Variants in CREB5 observed in about 807,000 individuals in gnomAD.
CREB5 encodes cAMP responsive element binding protein 5, also known as cyclic AMP-responsive element-binding protein 5.
CREB5 carries 19 observed loss-of-function variants against 57.1 expected under a neutral mutation model. The observed-to-expected ratio is 0.33, with a 90% CI of 0.23 to 0.49. CREB5 has a LOEUF of 0.49. CREB5 is among the 20% of genes least tolerant of loss of function. The pLI is 0.99. For missense variants in CREB5, 579 were observed against 671.6 expected (o/e 0.86, Z 1.52); for synonymous variants, 238 against 238.3 (o/e 1.00, Z 0.01).
chr7:28,763,804 A>ATT (rs1198951308), intron 7 of CREB5, among the ~76,000 whole-genome samples: 1 of 99,472 alleles, frequency 1.0e-5, no homozygotes, highest in African/African-American at 3.2e-5. Context: ...TATTATTATT[A>ATT]TTATTATTTT....
At chr7:28,547,635 G>C (rs1485126486) in intron 4 of CREB5, among the ~76,000 whole-genome samples, 1 of 152,156 alleles carries the variant, frequency 6.6e-6, no homozygotes, top group Non-Finnish European at 1.5e-5. Context: ...GTCTTGACTT[G>C]TGCTTGGCCA....
At chr7:28,736,147 G>A (rs1803966402) in intron 7 of CREB5, among the ~76,000 whole-genome samples, 1 of 151,980 alleles carries the variant, frequency 6.6e-6, no homozygotes, top group African/African-American at 2.4e-5. Flanking sequence ...TACACACAAA[G>A]CACTATATGG....
At chr7:28,335,084 G>C (rs1785797230) in intron 1 of CREB5, among the ~76,000 whole-genome samples, 1 of 152,078 alleles carries the variant, frequency 6.6e-6, no homozygotes, top group African/African-American at 2.4e-5. Flanking sequence ...ATACCATCCT[G>C]TTTTGGTTAC....
intron 7 of CREB5, among the ~76,000 whole-genome samples, chr7:28,726,252 C>T (rs1310543252): frequency 6.6e-6 from 1 of 152,260 alleles, no homozygotes; most frequent in African/African-American, 2.4e-5. Flanking sequence ...TTAGGGAGTA[C>T]AGCTATTCTC....
At chr7:28,560,931 T>TGCGCGTGCGC (rs1467935536) in intron 4 of CREB5, among the ~76,000 whole-genome samples, 1 of 48,532 alleles carries the variant, frequency 2.1e-5, no homozygotes, top group African/African-American at 1.2e-4. Flanking sequence ...TGCGCGTGCG[T>TGCGCGTGCGC]GTGTGCGTGC....
chr7:28,486,152 G>T (rs1562749898), intron 1 of CREB5, among the ~76,000 whole-genome samples: 1 of 152,128 alleles, frequency 6.6e-6, no homozygotes, highest in African/African-American at 2.4e-5. Flanking sequence ...AGAAATAGTG[G>T]TTTGAATAGG....
At chr7:28,610,682 G>A (rs1322135256) in intron 5 of CREB5, among the ~76,000 whole-genome samples, 2 of 152,076 alleles carry the variant, frequency 1.3e-5, no homozygotes, top group Non-Finnish European at 2.9e-5. Flanking sequence ...TAATGCTCAG[G>A]GACCTCAGGT....
At chr7:28,761,355 G>A (rs1415964577) in intron 7 of CREB5, among the ~76,000 whole-genome samples, 2 of 152,122 alleles carry the variant, frequency 1.3e-5, no homozygotes, top group South Asian at 2.1e-4. Context: ...TGTAAATTGC[G>A]GGTGTCGGAG....
Position 28,822,247 on chromosome 7 carries a change from AGTT to A in CREB5, c.*2971_*2973del, listed in dbSNP as rs909220019. 6.6e-6 allele frequency: 1 copy of A among 152,236 alleles called. No homozygotes were observed. Among genetic ancestry groups the A allele is most frequent in the African/African-American group, 2.4e-5 (1 of 41,446 alleles). The allele number at this position is 152,236 out of a possible 1,614,324, so 9.4% of individuals were successfully genotyped here. A position where few individuals can be genotyped will look rare whatever the true frequency, so the allele number is the denominator to read the frequency against. On this transcript the variant is annotated 3_prime_UTR_variant, in exon 11 of 11. Transcript: ENST00000357727. ...ATACAGTAAATGAAAGATTCCAACT[AGTT>A]GTCAGTGCTTCTTGAAATTCCAAAC...
intron 4 of CREB5, among the ~76,000 whole-genome samples, chr7:28,524,316 AACACACAC>A (rs4000595): frequency 0.028 from 3,886 of 136,610 alleles, 187 homozygotes; most frequent in African/African-American, 0.097. Flanking sequence ...GCCTCTACTA[AACACACAC>A]ACACACACAC....
intron 5 of CREB5, among the ~76,000 whole-genome samples, chr7:28,701,216 G>A (rs930287695): frequency 2.6e-5 from 4 of 152,188 alleles, no homozygotes; most frequent in Non-Finnish European, 5.9e-5. Flanking sequence ...GGGTTCTGAG[G>A]CGCAGGGAAG....
At chr7:28,472,645 T>C (rs1185291121) in intron 1 of CREB5, among the ~76,000 whole-genome samples, 1 of 152,200 alleles carries the variant, frequency 6.6e-6, no homozygotes, top group African/African-American at 2.4e-5. Flanking sequence ...GAGCATCTGT[T>C]CTGTATCAGT....
At chr7:28,706,485 T>C (rs1220813356) in intron 5 of CREB5, among the ~76,000 whole-genome samples, 5 of 152,170 alleles carry the variant, frequency 3.3e-5, no homozygotes, top group Non-Finnish European at 7.3e-5. Flanking sequence ...AATAATGGAA[T>C]CAATTTTGTC....
Position 28,535,350 on chromosome 7 carries a change from GGATGGAAGGGAGGAAA to G in CREB5, c.291+27615_291+27630del, listed in dbSNP as rs1182054618. 2.2e-5 allele frequency among the ~76,000 whole-genome samples: 3 copies of G among 137,002 alleles called. 1 individual carries two copies. In the East Asian group the frequency reaches 5.9e-4, roughly 27 times the overall value. The allele number at this position is 137,002 out of a possible 152,430, so 89.9% of individuals were successfully genotyped here. ...GGGAGGGAAGGAAAGAAGGAGGGAA[GGATGGAAGGGAGGAAA>G]GGTGGAAGGGAGGAAGGGAGGAGGA... On this transcript the variant is annotated intron_variant, in intron 4 of 10. Coordinates refer to ENST00000357727, the MANE Select transcript of CREB5 (RefSeq NM_182898.4).
intron 1 of CREB5, among the ~76,000 whole-genome samples, chr7:28,350,113 T>A (rs945949201): frequency 6.6e-6 from 1 of 152,240 alleles, no homozygotes; most frequent in Non-Finnish European, 1.5e-5. Flanking sequence ...ACAAAGTGTT[T>A]ACTTTTGTCT....
intron 1 of CREB5, among the ~76,000 whole-genome samples, chr7:28,306,713 A>G (rs1304088645): frequency 2.0e-5 from 3 of 151,864 alleles, no homozygotes; most frequent in African/African-American, 7.3e-5. Flanking sequence ...GGCGCCCGCC[A>G]CTATGCCCGG....
intron 1 of CREB5, among the ~76,000 whole-genome samples, chr7:28,311,192 C>T (rs1214382015): frequency 3.3e-5 from 5 of 150,024 alleles, no homozygotes; most frequent in African/African-American, 1.2e-4. Context: ...TTTGTGAAAC[C>T]AGTAAGAGTG....
chr7:28,720,015 A>G (rs1415354303), intron 6 of CREB5, among the ~76,000 whole-genome samples: 2 of 152,178 alleles, frequency 1.3e-5, no homozygotes, highest in Non-Finnish European at 2.9e-5. Flanking sequence ...AGCTGAGATC[A>G]CACCACTGCA....
intron 1 of CREB5, among the ~76,000 whole-genome samples, chr7:28,373,455 T>C (rs1786756267): frequency 6.6e-6 from 1 of 151,706 alleles, no homozygotes; most frequent in Non-Finnish European, 1.5e-5. Context: ...CTTTTTTTTT[T>C]TTTGAGACAG....
Sources: allele counts gnomAD v4.1 joint callset (sites outside exome capture counted in the v4.1 genomes callset), GRCh38; gene constraint gnomAD v4.1.1; transcripts MANE v1.5; gene names NCBI Gene and HGNC (gene_info 2026-07-23, HGNC 2026-07-21).